REV1: variants seen among roughly 807,000 people sequenced by gnomAD.
The protein encoded by REV1 is REV1 DNA directed polymerase, also known as translesion synthesis protein REV1.
In REV1, 42 loss-of-function variants were observed where a neutral mutation model predicts 137.4. The ratio of observed to expected loss-of-function variants is 0.31; its 90% CI spans 0.24 to 0.40. The LOEUF is 0.40. Ranked by LOEUF, REV1 falls within the 10% of genes least tolerant of loss-of-function variation. REV1 has a pLI of 1.00. For synonymous variants in REV1, 524 were observed against 519.2 expected (o/e 1.01, Z -0.12); for missense variants, 1,282 against 1,490.1 (o/e 0.86, Z 2.30).
At chr2:99,436,257 A>C (rs1680733188) in intron 6 of REV1, among the ~76,000 whole-genome samples, 1 of 152,206 alleles carries the variant, frequency 6.6e-6, no homozygotes, top group African/African-American at 2.4e-5. Context: ...TATTCCATGC[A>C]ATCTACAAAC....
At chr2:99,442,706 T>C (rs891281893) in intron 4 of REV1, among the ~76,000 whole-genome samples, 2 of 152,104 alleles carry the variant, frequency 1.3e-5, no homozygotes, top group Non-Finnish European at 2.9e-5. Flanking sequence ...ACTTTAGTAT[T>C]TACCACCCTG....
In REV1 at chr2:99,409,590, T is replaced by C. The variant is rs190174624; in HGVS notation, c.2345+1105A>G. ...CGGGCACATTGGCTCATGCCTGTAATCCCAACACTATGGGAGGCTGCGGTG... is the reference window on the plus strand; with the variant it reads ...CGGGCACATTGGCTCATGCCTGTAACCCCAACACTATGGGAGGCTGCGGTG... On this transcript the variant is annotated intron_variant, in intron 14 of 22. Coordinates refer to ENST00000258428, the MANE Select transcript of REV1 (RefSeq NM_016316.4). Among the ~76,000 whole-genome samples, 685 of 152,242 alleles carry C rather than the reference T, an allele frequency of 4.5e-3. 2 individuals are homozygous for C. Among genetic ancestry groups the C allele is most frequent in the South Asian group, 8.1e-3 (39 of 4,826 alleles).
At chr2:99,480,936 C>G (rs1686543567) in intron 1 of REV1, among the ~76,000 whole-genome samples, 1 of 152,138 alleles carries the variant, frequency 6.6e-6, no homozygotes. Flanking sequence ...ATTTAGCACA[C>G]TATAATCTCT....
At chr2:99,475,992 A>G (rs1182970504) in intron 1 of REV1, among the ~76,000 whole-genome samples, 1 of 152,160 alleles carries the variant, frequency 6.6e-6, no homozygotes, top group Non-Finnish European at 1.5e-5. Flanking sequence ...CAAAAAAATA[A>G]ATAAATGAAA....
intron 3 of REV1, among the ~76,000 whole-genome samples, chr2:99,458,362 G>A (rs768512400): frequency 5.3e-5 from 8 of 152,102 alleles, no homozygotes; most frequent in African/African-American, 1.4e-4. Context: ...TATTAGCCAC[G>A]AGGCAAATGC....
Position 99,424,259 on chromosome 2 carries a change from T to G in REV1, c.1569A>C (p.Gly523=), listed in dbSNP as rs530104530. ...YEARQLGIKN[G]MFFGHAKQLC... is the part of the protein sequence containing the mutation. ...GTTGTTTAGCATGCCCAAAAAACAT[T>G]CCGTTCTTAATGCCAAGTTGCCTAG... The change falls in exon 10 of 23, where the codon GGA becomes GGC. Residue 523 remains glycine, a synonymous_variant. Transcript: ENST00000258428. The G allele has an allele frequency of 3.0e-4, 478 of 1,613,816 alleles. 5 individuals are homozygous for G. In the South Asian group the frequency reaches 4.7e-3, roughly 16 times the overall value.
chr2:99,470,074 T>C (rs1685243332), intron 1 of REV1, among the ~76,000 whole-genome samples: 1 of 151,442 alleles, frequency 6.6e-6, no homozygotes, highest in Admixed American at 6.6e-5. Context: ...TGAGCCGAGA[T>C]TGCACCACTG....
chr2:99,445,204 G>A (rs1682045471), intron 4 of REV1, among the ~76,000 whole-genome samples: 1 of 151,032 alleles, frequency 6.6e-6, no homozygotes, highest in Non-Finnish European at 1.5e-5. Flanking sequence ...TTATTTAAAT[G>A]AGTTGCATAA....
intron 3 of REV1, among the ~76,000 whole-genome samples, chr2:99,452,204 T>G (rs981771522): frequency 4.6e-5 from 7 of 151,882 alleles, no homozygotes; most frequent in Non-Finnish European, 1.0e-4. Flanking sequence ...GTGGGCAGAT[T>G]GCTTGAGCTC....
At position 99,435,842 on chromosome 2, in the gene REV1, T is replaced by A. The variant is rs2104782278; in HGVS notation, c.1313A>T (p.Asp438Val). The A allele has an allele frequency of 6.5e-7, 1 of 1,528,336 alleles. No individual in the cohort carries two copies. Among genetic ancestry groups the A allele is most frequent in the East Asian group, 2.3e-5 (1 of 43,834 alleles). The allele number at this position is 1,528,336 out of a possible 1,614,324, so 94.7% of individuals were successfully genotyped here. ...TAAGCAAGAATACAGACCTTTGAGA[T>A]CTGGTCTATTTCGTATACCCACTGA... ...FVSVGIRNRP[D>V]LKGKPVAVTS... The change falls in exon 7 of 23, where the codon GAT (aspartate) becomes GTT (valine). Residue 438 changes from aspartate (D) to valine (V), a missense_variant. Asp to Val is a radical substitution (Grantham distance 152). Coordinates refer to ENST00000258428, the MANE Select transcript of REV1 (RefSeq NM_016316.4).
intron 1 of REV1, among the ~76,000 whole-genome samples, chr2:99,465,487 C>T (rs1684691598): frequency 6.6e-6 from 1 of 152,266 alleles, no homozygotes; most frequent in East Asian, 1.9e-4. Flanking sequence ...AAAAATGATG[C>T]AGAAAAGATT....
At chr2:99,440,959 G>T (rs1165309612) in intron 5 of REV1, among the ~76,000 whole-genome samples, 1 of 152,120 alleles carries the variant, frequency 6.6e-6, no homozygotes, top group Non-Finnish European at 1.5e-5. Context: ...AGCTGTACTG[G>T]AAATATCACG....
In REV1 at chr2:99,402,282, A is replaced by G. The variant is rs763648453; in HGVS notation, c.3606T>C (p.Asp1202=). 3 of 1,498,532 alleles carry G rather than the reference A, an allele frequency of 2.0e-6. No individual in the cohort carries two copies. Among genetic ancestry groups the G allele is most frequent in the South Asian group, 2.4e-5 (2 of 82,564 alleles). The allele number at this position is 1,498,532 out of a possible 1,614,324, so 92.8% of individuals were successfully genotyped here. The change falls in exon 22 of 23, where the codon GAT becomes GAC. Residue 1202 remains aspartate (D), a synonymous_variant. Coordinates refer to ENST00000258428, the MANE Select transcript of REV1 (RefSeq NM_016316.4). ...KYCTDLIEEK[D]LEKLDLVIKY... ...TTATAACTAGATCCAGTTTTTCCAA[A>G]TCTTTTTCTTCTATTAGATCAGTAC...
intron 5 of REV1, 117 bp downstream of exon 5, chr2:99,442,200 C>T (rs755568788): frequency 2.1e-6 from 2 of 935,014 alleles, no homozygotes; most frequent in Non-Finnish European, 3.0e-6. Flanking sequence ...TGCAATGAGC[C>T]GAGATCATAC....
At chr2:99,403,644 C>T (rs1675834976) in intron 19 of REV1, 51 bp downstream of exon 19, 2 of 1,612,716 alleles carry the variant, frequency 1.2e-6, no homozygotes, top group Non-Finnish European at 1.7e-6. Context: ...ACAACAGTGA[C>T]TCCATTACTC....
At chr2:99,455,818 A>T (rs1031140526) in intron 3 of REV1, among the ~76,000 whole-genome samples, 1 of 152,198 alleles carries the variant, frequency 6.6e-6, no homozygotes, top group Non-Finnish European at 1.5e-5. Context: ...TATTTGAAAT[A>T]TAAGTCTGTT....
intron 8 of REV1, among the ~76,000 whole-genome samples, chr2:99,431,361 T>C (rs1184302229): frequency 6.6e-6 from 1 of 152,180 alleles, no homozygotes; most frequent in African/African-American, 2.4e-5. Flanking sequence ...CCCAAGCAGA[T>C]TACCCAGTGT....
chr2:99,403,231 C>T lies in REV1; in HGVS notation c.3167-125G>A, dbSNP rs551192594. On this transcript the variant is annotated intron_variant, in intron 19 of 22. Coordinates refer to ENST00000258428, the MANE Select transcript of REV1 (RefSeq NM_016316.4). Reference sequence around the variant, plus strand: ...CCCTAGCCTACACCTCCCCTCCTGCCCCAAGTGAGAGGCAGTGAATGGCAA... The same window carrying T: ...CCCTAGCCTACACCTCCCCTCCTGCTCCAAGTGAGAGGCAGTGAATGGCAA... The T allele has an allele frequency of 1.5e-4, 116 of 759,086 alleles. No individual in the cohort carries two copies. The African/African-American group carries it at 1.9e-3, about 12-fold the overall frequency. The allele number at this position is 759,086 out of a possible 1,614,324, so 47.0% of individuals were successfully genotyped here.
intron 1 of REV1, among the ~76,000 whole-genome samples, chr2:99,482,342 C>T (rs893358943): frequency 6.6e-6 from 1 of 152,182 alleles, no homozygotes; most frequent in Non-Finnish European, 1.5e-5. Flanking sequence ...TGATTTGTAT[C>T]ATAACTGTAA....
Sources: allele counts gnomAD v4.1 joint callset (sites outside exome capture counted in the v4.1 genomes callset), GRCh38; gene constraint gnomAD v4.1.1; transcripts MANE v1.5; gene names NCBI Gene and HGNC (gene_info 2026-07-23, HGNC 2026-07-21).